Variants in TTN observed in about 807,000 individuals in gnomAD.
The protein encoded by TTN is connectin.
Under a neutral mutation model 3,223.0 loss-of-function variants are expected in TTN, and 1,525 were observed. That is an observed-to-expected ratio of 0.47 (90% CI 0.45 to 0.49). The LOEUF (loss-of-function observed/expected upper bound fraction) is 0.49, where lower values mean the gene tolerates loss of function less well. TTN is among the 20% of genes least tolerant of loss of function. TTN has a pLI of 0.00. For missense variants in TTN, 40,786 were observed against 43,424.0 expected, an observed-to-expected ratio of 0.94 and a Z score of 5.40; for synonymous variants, 14,094 against 15,161.0, an observed-to-expected ratio of 0.93 and a Z score of 5.17.
In TTN at chr2:178,610,202, C is replaced by T; in HGVS notation, c.51324G>A (p.Val17108=). The T allele has an allele frequency of 6.2e-7, 1 of 1,613,032 alleles. No individual in the cohort carries two copies. The highest frequency in any genetic ancestry group is 8.5e-7 in the Non-Finnish European group (1 of 1,179,296). ...MSGENKLSWT[V]KDLIPNGEYF... ...ATTCACCATTTGGTATGAGATCCTT[C>T]ACAGTCCATGACAGTTTGTTCTCAC... Residue 17108 remains valine (V), a synonymous_variant, in exon 271 of 363, where the codon GTG becomes GTA. Transcript: ENST00000589042.
chr2:178,769,655 AT>A, intron 37 of TTN, 23 bp downstream of exon 37: 1 of 1,518,214 alleles, frequency 6.6e-7, no homozygotes, highest in Non-Finnish European at 9.0e-7. Flanking sequence ...ATGTGTATAT[AT>A]ATATATATAT....
At position 178,732,635 on chromosome 2, in the gene TTN, A is replaced by T; in HGVS notation, c.16426T>A (p.Ser5476Thr). The T allele has an allele frequency of 4.3e-6, 7 of 1,613,280 alleles. No homozygotes were observed. Among genetic ancestry groups the T allele is most frequent in the Non-Finnish European group, 5.9e-6 (7 of 1,179,618 alleles). The part of the protein sequence containing the change: ...AVCLKSTFQG[S>T]TPLTIRWFKG... ...AACCATCTGATTGTGAGAGGAGTAG[A>T]TCCTTGGAAAGTGCTCTTCAGGCAG... The change falls in exon 56 of 363, where the codon TCT becomes ACT. Residue 5476 changes from serine (S) to threonine (T), a missense_variant. Transcript: ENST00000589042.
chr2:178,645,892 A>G, intron 217 of TTN, 28 bp downstream of exon 217: 1 of 1,430,094 alleles, frequency 7.0e-7, no homozygotes, highest in Non-Finnish European at 9.5e-7. Context: ...AAGCAGGCTA[A>G]TAAAACTTTG....
At position 178,621,139 on chromosome 2, in the gene TTN, T is replaced by G; in HGVS notation, c.45579A>C (p.Val15193=). The part of the protein sequence containing the change: ...LQDMGTYVVM[V]GAARAAAHLT... ...AGTGAGCTGCTGCTCTGGCGGCCCCTACCATGACAACGTAAGTGCCCATAT... is the reference window on the plus strand; with the variant it reads ...AGTGAGCTGCTGCTCTGGCGGCCCCGACCATGACAACGTAAGTGCCCATAT... Residue 15193 remains valine, a synonymous_variant, in exon 246 of 363, where the codon GTA becomes GTC. Transcript: ENST00000589042. 6.2e-7 allele frequency: 1 copy of G among 1,612,572 alleles called. No homozygotes were observed. Among genetic ancestry groups the G allele is most frequent in the East Asian group, 2.2e-5 (1 of 44,614 alleles).
intron 223 of TTN, among the ~76,000 whole-genome samples, chr2:178,638,719 C>T (rs1278306383): frequency 3.3e-5 from 5 of 151,880 alleles, no homozygotes; most frequent in Admixed American, 6.6e-5. Context: ...ACCCCACCAC[C>T]ACCGCCCCCG....
Position 178,768,031 on chromosome 2 carries a change from T to C in TTN, c.9288A>G (p.Glu3096=), listed in dbSNP as rs1407034693. 6.2e-7 allele frequency: 1 copy of C among 1,614,146 alleles called. No homozygotes were observed. ...ITVQWMKDDQ[E]LQITDRIKIQ... is the part of the protein sequence containing the mutation. ...CAACTGACCTGTCTGTGATCTGCAG[T>C]TCCTGGTCATCTTTCATCCACTGTA... The change falls in exon 39 of 363, where the codon GAA becomes GAG. Residue 3096 remains glutamate (E), a synonymous_variant. Transcript: ENST00000589042.
intron 24 of TTN, chr2:178,778,520 T>C: frequency 3.0e-6 from 1 of 336,494 alleles, no homozygotes. Context: ...AAGACAATTT[T>C]CATAGATTCC....
At chr2:178,783,979 T>C in intron 16 of TTN, 91 bp downstream of exon 16, 1 of 1,599,452 alleles carries the variant, frequency 6.3e-7, no homozygotes, top group Non-Finnish European at 8.5e-7. Context: ...AAGGCAAGAC[T>C]CCACTGGCTA....
chr2:178,616,659 G>C (rs2057397350), intron 256 of TTN, 29 bp from the exon 257 acceptor site: 1 of 1,611,954 alleles, frequency 6.2e-7, no homozygotes, highest in East Asian at 2.2e-5. Context: ...ACGAGTCACT[G>C]TTAATAGTCT....
intron 89 of TTN, 59 bp from the exon 90 acceptor site, chr2:178,715,323 G>T (rs536005006): frequency 9.2e-6 from 14 of 1,526,198 alleles, no homozygotes; most frequent in Non-Finnish European, 1.2e-5. Context: ...TTAAAAGTAA[G>T]AATCAATCTT....
Position 178,602,426 on chromosome 2 carries a change from C to T in TTN, c.54976G>A (p.Asp18326Asn), listed in dbSNP as rs1553675887. The change falls in exon 283 of 363, where the codon GAC becomes AAC. Residue 18326 changes from aspartate to asparagine, a missense_variant. By Grantham distance (23) the Asp-to-Asn change is conservative. Coordinates refer to ENST00000589042, the MANE Select transcript of TTN (RefSeq NM_001267550.2). ...CATTCACAGGTAGTTATAAGTTTGT[C>T]TGGTTCATTTACTCTTTTCCAGTCA... is the stretch of plus-strand genomic sequence containing the variant. ...TTDWKRVNEP[D>N]KLITTCECVV... is the part of the protein sequence containing the mutation. The T allele has an allele frequency of 6.2e-7, 1 of 1,612,628 alleles. No homozygotes were observed. The highest frequency in any genetic ancestry group is 1.1e-5 in the South Asian group (1 of 91,044).
Position 178,694,680 on chromosome 2 carries a change from TAAA to T in TTN, c.31349-7_31349-5del. On this transcript the variant is annotated splice_polypyrimidine_tract_variant and splice_region_variant and intron_variant, in intron 116 of 362. Transcript: ENST00000589042. ...ATCTTCTTTGAAACTTCAGGTACTT[TAAA>T]AATATGTACAAATATATTTGTATTT... is the stretch of plus-strand genomic sequence containing the variant. 1 of 1,543,802 alleles carries T rather than the reference TAAA, an allele frequency of 6.5e-7. No individual in the cohort carries two copies. The highest frequency in any genetic ancestry group is 8.7e-7 in the Non-Finnish European group (1 of 1,143,400).
Position 178,728,149 on chromosome 2 carries a change from C to G in TTN, c.19675G>C (p.Ala6559Pro). 6.2e-7 allele frequency: 1 copy of G among 1,604,344 alleles called. No individual in the cohort carries two copies. ...ANYTCKVSNV[A>P]GDDACSGILT... ...ATGCCACTGCATGCATCATCTCCTG[C>G]TACATTTGACACTTTGCATGTGTAA... is the stretch of plus-strand genomic sequence containing the variant. Residue 6559 changes from alanine (A) to proline (P), a missense_variant, in exon 67 of 363, where the codon GCA becomes CCA. By Grantham distance (27) the Ala-to-Pro change is conservative (BLOSUM62 -1). Coordinates refer to ENST00000589042, the MANE Select transcript of TTN (RefSeq NM_001267550.2).
intron 314 of TTN, 26 bp from the exon 315 acceptor site, chr2:178,582,234 T>C (rs1448859554): frequency 1.3e-6 from 2 of 1,584,022 alleles, no homozygotes; most frequent in East Asian, 4.5e-5. Context: ...GAAAAGTTAA[T>C]TTCCCAGGCT....
chr2:178,650,454 C>G (rs1422690669), intron 209 of TTN, among the ~76,000 whole-genome samples, 183 bp from the exon 210 acceptor site: 1 of 152,078 alleles, frequency 6.6e-6, no homozygotes, highest in Non-Finnish European at 1.5e-5. Flanking sequence ...GATTCAAATG[C>G]TTGCAAAGCC....
At position 178,538,589 on chromosome 2, in the gene TTN, C is replaced by T. The variant is rs1450562698; in HGVS notation, c.99240G>A (p.Gly33080=). The change falls in exon 354 of 363, where the codon GGG becomes GGA. Residue 33080 remains glycine (G), a synonymous_variant. Transcript: ENST00000589042. ...TAGCAGTTCTGCGAGGTCTGCTCAG[C>T]CCAGTCTCATTCTCAGCAAAAACCC... is the stretch of plus-strand genomic sequence containing the variant. ...EFRVFAENET[G]LSRPRRTAMS... 1 of 1,613,558 alleles carries T rather than the reference C, an allele frequency of 6.2e-7. No homozygotes were observed. Among genetic ancestry groups the T allele is most frequent in the East Asian group, 2.2e-5 (1 of 44,864 alleles).
rs748684753 is a variant in TTN at position 178,535,762 on chromosome 2, G to A, written c.100853C>T (p.Pro33618Leu). 1 of 1,613,270 alleles carries A rather than the reference G, an allele frequency of 6.2e-7. No homozygotes were observed. The highest frequency in any genetic ancestry group is 1.1e-5 in the South Asian group (1 of 91,072). ...LRGEVVSIKI[P>L]FSGKPDPVIT... ...CACAGGATCTGGTTTGCCACTGAAA[G>A]GAATCTTGATGCTGACCACTTCACC... is the stretch of plus-strand genomic sequence containing the variant. Residue 33618 changes from proline to leucine, a missense_variant, in exon 358 of 363, where the codon CCT becomes CTT. Pro to Leu is a moderately conservative substitution (Grantham distance 98). Coordinates refer to ENST00000589042, the MANE Select transcript of TTN (RefSeq NM_001267550.2).
chr2:178,584,393 G>T lies in TTN; in HGVS notation c.65158C>A (p.Pro21720Thr), dbSNP rs776953525. The T allele has an allele frequency of 5.6e-6, 9 of 1,613,230 alleles. No homozygotes were observed. Among genetic ancestry groups the T allele is most frequent in the African/African-American group, 1.3e-5 (1 of 74,880 alleles). The change falls in exon 311 of 363, where the codon CCT (proline) becomes ACT (threonine). Residue 21720 changes from proline to threonine, a missense_variant. Pro to Thr is a conservative substitution (Grantham distance 38). Transcript: ENST00000589042. Reference protein sequence around the residue: ...NDTLVRSTEYPCAGLVEGLEY... With the variant: ...NDTLVRSTEYTCAGLVEGLEY... ...AGACCTTCTACAAGGCCAGCACAAG[G>T]ATATTCAGTTGACCGGACAAGAGTA...
rs1255841741 is a variant in TTN at position 178,729,654 on chromosome 2, A to G, written c.18589+10T>C. 6.2e-7 allele frequency: 1 copy of G among 1,613,682 alleles called. No homozygotes were observed. Among genetic ancestry groups the G allele is most frequent in the Non-Finnish European group, 8.5e-7 (1 of 1,179,694 alleles). On this transcript the variant is annotated intron_variant, in intron 63 of 362. Coordinates refer to ENST00000589042, the MANE Select transcript of TTN (RefSeq NM_001267550.2). ...ACAGCCAAAATGGAGAATAGATTCC[A>G]TTCACGAACCTTTCACTTTGAGTTC...
Sources: gnomAD v4.1 joint callset for allele counts (sites outside exome capture counted in the v4.1 genomes callset) on GRCh38, gnomAD v4.1.1 for gene constraint, MANE v1.5 for transcripts, NCBI Gene and HGNC (gene_info 2026-07-23, HGNC 2026-07-21) for gene names.